The following SCG5 variants were observed in gnomAD, a reference collection of about 807,000 sequenced individuals.
SCG5 encodes neuroendocrine protein 7B2.
Under a neutral mutation model 25.7 loss-of-function variants are expected in SCG5, and 18 were observed. The ratio of observed to expected loss-of-function variants is 0.70; its 90% CI spans 0.48 to 1.04. The LOEUF (loss-of-function observed/expected upper bound fraction) is 1.04, where lower values mean the gene tolerates loss of function less well. Ranked by LOEUF, SCG5 falls within the 50% of genes least tolerant of loss-of-function variation. The probability of loss-of-function intolerance (pLI) is 0.00; values close to 1 mark genes in which losing one functional copy is unlikely to be tolerated. For missense variants in SCG5, 206 were observed against 259.8 expected, an observed-to-expected ratio of 0.79 and a Z score of 1.42; for synonymous variants, 101 against 91.7, an observed-to-expected ratio of 1.10 and a Z score of -0.58.
chr15:32,671,435 A>G (rs1405456694), intron 2 of SCG5, among the ~76,000 whole-genome samples: 4 of 152,158 alleles, frequency 2.6e-5, no homozygotes, highest in Non-Finnish European at 2.9e-5. Flanking sequence ...TAAAATATGA[A>G]GTTCCACCCT....
chr15:32,691,295 G>A (rs2054850544), intron 4 of SCG5, among the ~76,000 whole-genome samples: 1 of 152,192 alleles, frequency 6.6e-6, no homozygotes. Context: ...TATTTACACA[G>A]GGGATTGTTG....
intron 2 of SCG5, among the ~76,000 whole-genome samples, chr15:32,660,783 T>G (rs914718245): frequency 1.3e-5 from 2 of 152,240 alleles, no homozygotes; most frequent in African/African-American, 4.8e-5. Flanking sequence ...GACATTTGCC[T>G]TCATGAGTTT....
chr15:32,671,513 C>T (rs919213079), intron 2 of SCG5, among the ~76,000 whole-genome samples: 8 of 152,128 alleles, frequency 5.3e-5, no homozygotes, highest in African/African-American at 9.7e-5. Context: ...CCCTCTCCTG[C>T]TCTTTCTCTT....
At chr15:32,674,187 T>C (rs189060471) in intron 2 of SCG5, among the ~76,000 whole-genome samples, 55 of 152,278 alleles carry the variant, frequency 3.6e-4, no homozygotes, top group East Asian at 3.3e-3. Context: ...AGTGGAAAAT[T>C]CTCCTTTAAA....
In SCG5 at chr15:32,685,244, TC is replaced by T. The variant is rs373310543; in HGVS notation, c.489+576del. On this transcript the variant is annotated intron_variant, in intron 4 of 5. Coordinates refer to ENST00000300175, the MANE Select transcript of SCG5 (RefSeq NM_001144757.3). Reference sequence around the variant, plus strand: ...GTTTATAAGCACTTGGAAAGATAAATCATGACCATTTGGCATCAGTGTGCTA... The same window carrying T: ...GTTTATAAGCACTTGGAAAGATAAATATGACCATTTGGCATCAGTGTGCTA... Among the ~76,000 whole-genome samples, 22 of 152,332 alleles carry T rather than the reference TC, an allele frequency of 1.4e-4. No homozygotes were observed. In the East Asian group the frequency reaches 4.0e-3, roughly 28 times the overall value.
At chr15:32,663,016 G>A (rs1288283699) in intron 2 of SCG5, among the ~76,000 whole-genome samples, 1 of 122,372 alleles carries the variant, frequency 8.2e-6, no homozygotes, top group East Asian at 2.7e-4. Flanking sequence ...GAAGATTAGG[G>A]CTGTTAAAAA....
At chr15:32,685,801 C>T (rs1457180532) in intron 4 of SCG5, among the ~76,000 whole-genome samples, 1 of 152,154 alleles carries the variant, frequency 6.6e-6, no homozygotes, top group African/African-American at 2.4e-5. Context: ...AGTAGGTGGC[C>T]AGTACGTCTG....
chr15:32,658,727 C>T (rs1408218476), intron 2 of SCG5, among the ~76,000 whole-genome samples: 5 of 152,184 alleles, frequency 3.3e-5, no homozygotes, highest in African/African-American at 1.2e-4. Context: ...TAGCGATACC[C>T]TCGATGGTGG....
chr15:32,658,191 AT>A (rs2140519413), intron 2 of SCG5, among the ~76,000 whole-genome samples: 1 of 152,264 alleles, frequency 6.6e-6, no homozygotes, highest in East Asian at 1.9e-4. Flanking sequence ...CCTGTCCATC[AT>A]CTCTTATCAT....
In SCG5 at chr15:32,665,543, G is replaced by C. The variant is rs147969828; in HGVS notation, c.227-14223G>C. Among the ~76,000 whole-genome samples the C allele has an allele frequency of 3.5e-3, 527 of 152,252 alleles. 3 individuals are homozygous for C. The highest frequency in any genetic ancestry group is 0.012 in the African/African-American group (486 of 41,536). The stretch of plus-strand genomic sequence containing the variant: ...TGTGGAGAAGAGGAGTCAGAGCTGT[G>C]AATAAGTCATAAGTCCCTATAGGTA... On this transcript the variant is annotated intron_variant, in intron 2 of 5. Transcript: ENST00000300175.
intron 2 of SCG5, among the ~76,000 whole-genome samples, chr15:32,668,220 G>T (rs528082695): frequency 1.1e-4 from 16 of 152,214 alleles, no homozygotes; most frequent in Admixed American, 6.5e-4. Flanking sequence ...AAACAGAAAA[G>T]AATTTTCTAT....
intron 3 of SCG5, among the ~76,000 whole-genome samples, chr15:32,680,614 G>C (rs80136587): frequency 0.05 from 7,541 of 152,206 alleles, 251 homozygotes; most frequent in Non-Finnish European, 0.07. Context: ...ATCCATGCCT[G>C]TTTGTTCTCC....
chr15:32,659,871 C>G (rs1402524664), intron 2 of SCG5, among the ~76,000 whole-genome samples: 1 of 151,324 alleles, frequency 6.6e-6, no homozygotes, highest in African/African-American at 2.4e-5. Context: ...ATCTTGCTTG[C>G]TTTCCTTTAA....
intron 2 of SCG5, among the ~76,000 whole-genome samples, chr15:32,662,814 G>A (rs2054242266): frequency 6.7e-6 from 1 of 149,976 alleles, no homozygotes; most frequent in Non-Finnish European, 1.5e-5. Flanking sequence ...ACCAGGTGGT[G>A]CCATCTGCCC....
intron 2 of SCG5, among the ~76,000 whole-genome samples, chr15:32,646,400 C>T (rs1008212866): frequency 3.3e-5 from 5 of 152,200 alleles, no homozygotes; most frequent in Non-Finnish European, 5.9e-5. Flanking sequence ...AGTTCCCTTT[C>T]TCTTGCTGGC....
At chr15:32,692,051 G>A in intron 5 of SCG5, 3 of 1,280,080 alleles carry the variant, frequency 2.3e-6, no homozygotes, top group Non-Finnish European at 9.8e-7. Flanking sequence ...CATCAGTGTG[G>A]GACATATCTG....
intron 5 of SCG5, among the ~76,000 whole-genome samples, chr15:32,692,522 G>T (rs2140613554): frequency 6.6e-6 from 1 of 152,266 alleles, no homozygotes; most frequent in African/African-American, 2.4e-5. Context: ...TAATCCACTG[G>T]TACCTTACTA....
chr15:32,644,941 C>G (rs563530677), intron 2 of SCG5, among the ~76,000 whole-genome samples: 12 of 152,282 alleles, frequency 7.9e-5, no homozygotes, highest in Admixed American at 2.6e-4. Flanking sequence ...TGTTTTGTTA[C>G]CCATAGTTTT....
At chr15:32,691,863 C>A in intron 5 of SCG5, 100 bp downstream of exon 5, 1 of 1,550,930 alleles carries the variant, frequency 6.4e-7, no homozygotes, top group Non-Finnish European at 8.7e-7. Flanking sequence ...GTCACAGAAT[C>A]CTCCCTTGTG....
Sources: allele counts gnomAD v4.1 joint callset (sites outside exome capture counted in the v4.1 genomes callset), GRCh38; gene constraint gnomAD v4.1.1; transcripts MANE v1.5; gene names NCBI Gene and HGNC (gene_info 2026-07-23, HGNC 2026-07-21).